The following CMBL variants were observed in gnomAD, a reference collection of about 807,000 sequenced individuals.
The protein encoded by CMBL is carboxymethylenebutenolidase homolog.
In CMBL, 17 loss-of-function variants were observed where a neutral mutation model predicts 28.7. The ratio of observed to expected loss-of-function variants is 0.59; its 90% confidence interval spans 0.41 to 0.89. The LOEUF (loss-of-function observed/expected upper bound fraction) is 0.89, where lower values mean the gene tolerates loss of function less well. Among genes scored for constraint, CMBL ranks in the 40% least tolerant of loss-of-function variants. CMBL has a pLI of 0.00. For synonymous variants in CMBL, 106 were observed against 101.6 expected (o/e 1.04, Z -0.26); for missense variants, 310 against 298.5 (o/e 1.04, Z -0.28).
At chr5:10,304,698 A>G (rs1746966680) in intron 1 of CMBL, among the ~76,000 whole-genome samples, 3 of 152,208 alleles carry the variant, frequency 2.0e-5, no homozygotes, top group Admixed American at 2.0e-4. Context: ...CACACCTGTA[A>G]TCCCAGCACT....
At chr5:10,298,806 T>G (rs1746848444) in intron 1 of CMBL, among the ~76,000 whole-genome samples, 1 of 152,142 alleles carries the variant, frequency 6.6e-6, no homozygotes, top group Non-Finnish European at 1.5e-5. Context: ...GGCATGAGAA[T>G]CACTGGAATC....
At chr5:10,288,649 T>G in intron 2 of CMBL, 120 bp from the exon 3 acceptor site, 1 of 788,636 alleles carries the variant, frequency 1.3e-6, no homozygotes, top group Non-Finnish European at 2.1e-6. Flanking sequence ...GGAAAAGTAG[T>G]GGGTGTGAAG....
rs1746477089 is a variant in CMBL at position 10,280,337 on chromosome 5, A to G, written c.*116T>C. Reference sequence around the variant, plus strand: ...ATTTGTGTTTCAAATGAAATAATCAATTTTAGGATTCCTACACTTATTTTA... The same window carrying G: ...ATTTGTGTTTCAAATGAAATAATCAGTTTTAGGATTCCTACACTTATTTTA... On this transcript the variant is annotated 3_prime_UTR_variant, in exon 6 of 6. Transcript: ENST00000296658. The G allele has an allele frequency of 2.7e-6, 2 of 737,498 alleles. No homozygotes were observed. Among genetic ancestry groups the G allele is most frequent in the Non-Finnish European group, 2.1e-6 (1 of 474,624 alleles). 45.7% of individuals were successfully genotyped at this position (737,498 alleles called of 1,614,324 possible).
intron 1 of CMBL, among the ~76,000 whole-genome samples, chr5:10,301,790 C>T (rs1371222309): frequency 7.9e-5 from 12 of 151,898 alleles, no homozygotes; most frequent in Admixed American, 2.6e-4. Flanking sequence ...TTAGTAGAGA[C>T]GGGGTTTCAC....
intron 3 of CMBL, 63 bp from the exon 4 acceptor site, chr5:10,286,559 T>C: frequency 2.0e-6 from 3 of 1,510,240 alleles, no homozygotes; most frequent in Non-Finnish European, 2.7e-6. Context: ...CAAAGAGCTG[T>C]GCTGATGATA....
intron 1 of CMBL, among the ~76,000 whole-genome samples, chr5:10,296,104 C>T (rs1219964732): frequency 6.6e-6 from 1 of 152,164 alleles, no homozygotes; most frequent in East Asian, 1.9e-4. Context: ...GTATCTTCCA[C>T]AAAAACACAC....
intron 4 of CMBL, among the ~76,000 whole-genome samples, chr5:10,283,630 T>C (rs1035470325): frequency 6.6e-6 from 1 of 152,100 alleles, no homozygotes; most frequent in African/African-American, 2.4e-5. Flanking sequence ...AATACAAAAT[T>C]AGCTGGGTGT....
At chr5:10,285,513 G>C (rs1363976369) in intron 4 of CMBL, among the ~76,000 whole-genome samples, 2 of 152,012 alleles carry the variant, frequency 1.3e-5, no homozygotes, top group East Asian at 1.9e-4. Flanking sequence ...GCTTAGGCTG[G>C]TCTCGAACTC....
rs34487157 is a variant in CMBL at position 10,286,372 on chromosome 5, C to A, written c.448G>T (p.Ala150Ser). 6.2e-7 allele frequency: 1 copy of A among 1,613,894 alleles called. No individual in the cohort carries two copies. Among genetic ancestry groups the A allele is most frequent in the South Asian group, 1.1e-5 (1 of 91,052 alleles). ...HLMMKYSEFR[A>S]GVSVYGIVKD... ...GATTTACCATAGACGGACACCCCTG[C>A]CCTGAATTCTGAGTATTTCATCATC... The change falls in exon 4 of 6, where the codon GCA becomes TCA. Residue 150 changes from alanine (A) to serine (S), a missense_variant. Coordinates refer to ENST00000296658, the MANE Select transcript of CMBL (RefSeq NM_138809.4).
intron 4 of CMBL, among the ~76,000 whole-genome samples, chr5:10,285,458 C>T (rs772983798): frequency 5.9e-5 from 9 of 152,292 alleles, no homozygotes; most frequent in South Asian, 4.1e-4. Context: ...TGAGCCACCA[C>T]GCCCAGCCTT....
chr5:10,280,687 C>T (rs1746483771), intron 5 of CMBL, 55 bp from the exon 6 acceptor site: 3 of 1,458,966 alleles, frequency 2.1e-6, no homozygotes, highest in Non-Finnish European at 2.8e-6. Context: ...TTCCATTCTC[C>T]AAATCTTTAG....
intron 1 of CMBL, among the ~76,000 whole-genome samples, chr5:10,296,313 C>T (rs1443089933): frequency 6.6e-6 from 1 of 152,202 alleles, no homozygotes; most frequent in Non-Finnish European, 1.5e-5. Context: ...CACAGTCTCA[C>T]TCTGTCCCCT....
Position 10,289,541 on chromosome 5 carries a change from G to A in CMBL, c.215+1007C>T, listed in dbSNP as rs2126548177. Reference sequence around the variant, plus strand: ...TCTTTATGGCCTGGTTTCCTAATCTGCAAAATGAGAGCAATAACAGCTCCT... The same window carrying A: ...TCTTTATGGCCTGGTTTCCTAATCTACAAAATGAGAGCAATAACAGCTCCT... On this transcript the variant is annotated intron_variant, in intron 2 of 5. Coordinates refer to ENST00000296658, the MANE Select transcript of CMBL (RefSeq NM_138809.4). The surrounding 1 kb of genome is among the most constrained non-coding windows in gnomAD (Gnocchi z 4.3). Among the ~76,000 whole-genome samples, 1 of 152,312 alleles carries A rather than the reference G, an allele frequency of 6.6e-6. No individual in the cohort carries two copies. The highest frequency in any genetic ancestry group is 2.1e-4 in the South Asian group (1 of 4,820).
intron 1 of CMBL, among the ~76,000 whole-genome samples, chr5:10,293,441 A>T (rs566114972): frequency 3.9e-5 from 6 of 152,192 alleles, no homozygotes; most frequent in Non-Finnish European, 8.8e-5. Flanking sequence ...GGTCTCCATT[A>T]TAAGGACATT....
intron 1 of CMBL, among the ~76,000 whole-genome samples, chr5:10,293,870 T>G (rs946372956): frequency 2.0e-5 from 3 of 152,194 alleles, no homozygotes; most frequent in Non-Finnish European, 4.4e-5. Flanking sequence ...AAAAACAATA[T>G]GCTTTTCAGA....
In CMBL at chr5:10,288,477, C is replaced by T. The variant is rs745897848; in HGVS notation, c.268G>A (p.Asp90Asn). The T allele has an allele frequency of 3.7e-6, 6 of 1,614,090 alleles. No individual in the cohort carries two copies. Among genetic ancestry groups the T allele is most frequent in the Non-Finnish European group, 5.1e-6 (6 of 1,179,968 alleles). The change falls in exon 3 of 6, where the codon GAC becomes AAC. Residue 90 changes from aspartate to asparagine, a missense_variant. Asp to Asn is a conservative substitution (Grantham distance 23). Coordinates refer to ENST00000296658, the MANE Select transcript of CMBL (RefSeq NM_138809.4). ...VGQEPWDPSGDWSIFPEWLKT... is the reference protein window; with the variant it reads ...VGQEPWDPSGNWSIFPEWLKT... ...AGCCACTCAGGGAAGATAGACCAGT[C>T]GCCAGAGGGGTCCCAAGGCTCTTGC...
chr5:10,287,754 A>G (rs1024613420), intron 3 of CMBL, among the ~76,000 whole-genome samples: 1 of 151,198 alleles, frequency 6.6e-6, no homozygotes, highest in Admixed American at 6.6e-5. Flanking sequence ...TCTGTCCCCC[A>G]GGCTGGAGTG....
rs70944000 is a variant in CMBL, at chr5:10,283,092, G to GAAA, written c.467-807_467-805dup. Among the ~76,000 whole-genome samples, 9 of 120,008 alleles carry GAAA rather than the reference G, an allele frequency of 7.5e-5. 1 individual carries two copies. Among genetic ancestry groups the GAAA allele is most frequent in the East Asian group, 5.1e-4 (2 of 3,912 alleles). 78.7% of individuals were successfully genotyped at this position (120,008 alleles called of 152,430 possible). On this transcript the variant is annotated intron_variant, in intron 4 of 5. Coordinates refer to ENST00000296658, the MANE Select transcript of CMBL (RefSeq NM_138809.4). ...GGCAACAGAGCAAGACTCCGTCTCA[G>GAAA]AAAAAAAAAAAAAAAGAGGATTATA...
intron 1 of CMBL, among the ~76,000 whole-genome samples, chr5:10,303,766 C>T (rs1746951021): frequency 6.6e-6 from 1 of 152,146 alleles, no homozygotes; most frequent in African/African-American, 2.4e-5. Flanking sequence ...CACTAATCAC[C>T]ATGAGGCTTT....
Sources: gnomAD v4.1 joint callset for allele counts (sites outside exome capture counted in the v4.1 genomes callset) on GRCh38, gnomAD v4.1.1 for gene constraint, Gnocchi (gnomAD v3.1) non-coding constraint, MANE v1.5 for transcripts, NCBI Gene and HGNC (gene_info 2026-07-23, HGNC 2026-07-21) for gene names.